The following RNF180 variants were observed in gnomAD, a reference collection of about 807,000 sequenced individuals.
RNF180 encodes E3 ubiquitin-protein ligase RNF180.
A neutral mutation model predicts 59.2 loss-of-function variants in RNF180; 38 were observed. The ratio of observed to expected loss-of-function variants is 0.64; its 90% confidence interval spans 0.50 to 0.84. The LOEUF (loss-of-function observed/expected upper bound fraction) is 0.84, where lower values mean the gene tolerates loss of function less well. Ranked by LOEUF, RNF180 falls within the 40% of genes least tolerant of loss-of-function variation. The probability of loss-of-function intolerance (pLI) is 0.00; values close to 1 mark genes in which losing one functional copy is unlikely to be tolerated. For missense variants in RNF180, 705 were observed against 700.9 expected, an observed-to-expected ratio of 1.01 and a Z score of -0.07; for synonymous variants, 262 against 240.3, an observed-to-expected ratio of 1.09 and a Z score of -0.84.
chr5:64,201,013 C>T, intron 2 of RNF180, 71 bp downstream of exon 2: 1 of 1,169,046 alleles, frequency 8.6e-7, no homozygotes. Flanking sequence ...CACACATGCA[C>T]ACTTATTCTT....
At chr5:64,203,289 TG>T (rs1255294539) in intron 2 of RNF180, among the ~76,000 whole-genome samples, 1 of 152,226 alleles carries the variant, frequency 6.6e-6, no homozygotes, top group African/African-American at 2.4e-5. Context: ...CAGGAGACTT[TG>T]CAGAAAAGAT....
At chr5:64,354,772 A>G (rs780954369) in intron 7 of RNF180, among the ~76,000 whole-genome samples, 2 of 151,634 alleles carry the variant, frequency 1.3e-5, no homozygotes, top group Non-Finnish European at 2.9e-5. Flanking sequence ...GAATGCAGGA[A>G]TAGTTCAACA....
chr5:64,307,491 AG>A (rs1434364745), intron 5 of RNF180, among the ~76,000 whole-genome samples: 1 of 151,720 alleles, frequency 6.6e-6, no homozygotes, highest in East Asian at 1.9e-4. Flanking sequence ...AGACTTAAAA[AG>A]CTAAGTATGA....
At chr5:64,215,231 C>T (rs538328735) in intron 4 of RNF180, among the ~76,000 whole-genome samples, 45 of 151,924 alleles carry the variant, frequency 3.0e-4, no homozygotes, top group South Asian at 1.4e-3. Flanking sequence ...TTTGAAAGTT[C>T]GAACCAATAT....
At chr5:64,316,519 G>A (rs555790876) in intron 5 of RNF180, among the ~76,000 whole-genome samples, 1 of 152,268 alleles carries the variant, frequency 6.6e-6, no homozygotes, top group East Asian at 1.9e-4. Context: ...TGTTGAGAAC[G>A]TACTATGGTG....
At chr5:64,228,915 CTTTTTTTTTTTT>C (rs373212886) in intron 5 of RNF180, among the ~76,000 whole-genome samples, 1 of 98,490 alleles carries the variant, frequency 1.0e-5, no homozygotes, top group African/African-American at 4.2e-5. Context: ...TCTATTACTG[CTTTTTTTTTTTT>C]TTTTTTTTTT....
At chr5:64,172,186 G>C (rs891328114) in intron 1 of RNF180, among the ~76,000 whole-genome samples, 2 of 152,198 alleles carry the variant, frequency 1.3e-5, no homozygotes, top group Non-Finnish European at 2.9e-5. Context: ...CATAGTGACT[G>C]TTAGCGTAAA....
intron 1 of RNF180, among the ~76,000 whole-genome samples, chr5:64,167,340 A>G (rs989641020): frequency 5.3e-5 from 8 of 152,178 alleles, no homozygotes; most frequent in Non-Finnish European, 1.2e-4. Flanking sequence ...CTCTGGAACC[A>G]TCAACAATTT....
rs564570631 is a variant in RNF180 at position 64,338,493 on chromosome 5, G to T, written c.1579+8087G>T. 1.4e-4 allele frequency among the ~76,000 whole-genome samples: 21 copies of T among 152,128 alleles called. No homozygotes were observed. In the East Asian group the frequency reaches 3.9e-3, roughly 28 times the overall value. On this transcript the variant is annotated intron_variant, in intron 7 of 7. Coordinates refer to ENST00000389100, the MANE Select transcript of RNF180 (RefSeq NM_001113561.2). Reference sequence around the variant, plus strand: ...ACTAAAAATACAAAAAAATTAGCCTGGCGTGGTGGCGGGTGCCTGTAGTCC... The same window carrying T: ...ACTAAAAATACAAAAAAATTAGCCTTGCGTGGTGGCGGGTGCCTGTAGTCC...
intron 1 of RNF180, among the ~76,000 whole-genome samples, chr5:64,194,195 C>T (rs1751329350): frequency 6.6e-6 from 1 of 152,120 alleles, no homozygotes; most frequent in East Asian, 1.9e-4. Context: ...TGATGTTCCC[C>T]TTCCTGTGTC....
intron 5 of RNF180, among the ~76,000 whole-genome samples, chr5:64,229,377 A>G (rs1401030599): frequency 6.6e-6 from 1 of 152,208 alleles, no homozygotes; most frequent in East Asian, 1.9e-4. Context: ...GAGGGCACCA[A>G]ATTCTCTTCT....
intron 1 of RNF180, among the ~76,000 whole-genome samples, chr5:64,192,792 A>C (rs938545388): frequency 6.6e-6 from 1 of 151,598 alleles, no homozygotes; most frequent in South Asian, 2.1e-4. Context: ...ACAGTCTCAA[A>C]GAGATAATTG....
chr5:64,357,145 TATTC>T (rs1271546437), intron 7 of RNF180, among the ~76,000 whole-genome samples: 1 of 151,874 alleles, frequency 6.6e-6, no homozygotes, highest in Non-Finnish European at 1.5e-5. Flanking sequence ...AATTTTAACT[TATTC>T]AATATAAAAG....
At chr5:64,266,807 A>G (rs946008683) in intron 5 of RNF180, among the ~76,000 whole-genome samples, 15 of 152,148 alleles carry the variant, frequency 9.9e-5, no homozygotes, top group African/African-American at 3.4e-4. Flanking sequence ...ATTTATTTAT[A>G]TATAAAACAA....
At chr5:64,333,684 T>G (rs1745008813) in intron 7 of RNF180, among the ~76,000 whole-genome samples, 1 of 152,222 alleles carries the variant, frequency 6.6e-6, no homozygotes, top group Admixed American at 6.5e-5. Flanking sequence ...CCCTTGTCTT[T>G]TTGTATTCTG....
chr5:64,170,505 A>G (rs1422990004), intron 1 of RNF180, among the ~76,000 whole-genome samples: 1 of 152,212 alleles, frequency 6.6e-6, no homozygotes, highest in African/African-American at 2.4e-5. Flanking sequence ...TGGGTTTGGC[A>G]GGACAGATCC....
At chr5:64,213,475 T>C in intron 3 of RNF180, 83 bp from the exon 4 acceptor site, 1 of 1,294,354 alleles carries the variant, frequency 7.7e-7, no homozygotes, top group Non-Finnish European at 1.1e-6. Flanking sequence ...AACTTTCATG[T>C]GGCTGGCTTT....
intron 5 of RNF180, among the ~76,000 whole-genome samples, chr5:64,271,167 AACT>A (rs889139758): frequency 3.8e-4 from 58 of 152,194 alleles, no homozygotes; most frequent in Admixed American, 3.4e-3. Flanking sequence ...GTAAATAAAA[AACT>A]ACAACTAAGT....
chr5:64,169,813 T>C (rs560033675), intron 1 of RNF180, among the ~76,000 whole-genome samples: 5 of 152,380 alleles, frequency 3.3e-5, no homozygotes, highest in African/African-American at 1.2e-4. Flanking sequence ...AGAAGTCTTG[T>C]GCAGCTATAG....
Sources: gnomAD v4.1 joint callset for allele counts (sites outside exome capture counted in the v4.1 genomes callset) on GRCh38, gnomAD v4.1.1 for gene constraint, MANE v1.5 for transcripts, NCBI Gene and HGNC (gene_info 2026-07-23, HGNC 2026-07-21) for gene names.